RAPGEF5: variants seen among roughly 807,000 people sequenced by gnomAD.
The protein encoded by RAPGEF5 is Rap guanine nucleotide exchange factor 5.
A neutral mutation model predicts 125.2 loss-of-function variants in RAPGEF5; 65 were observed. The ratio of observed to expected loss-of-function variants is 0.52; its 90% confidence interval spans 0.43 to 0.64. The LOEUF (loss-of-function observed/expected upper bound fraction) is 0.64. Among genes scored for constraint, RAPGEF5 ranks in the 30% least tolerant of loss-of-function variants. RAPGEF5 has a pLI of 0.00. For missense variants in RAPGEF5, 958 were observed against 1,048.1 expected (o/e 0.91, Z 1.19); for synonymous variants, 391 against 385.9 (o/e 1.01, Z -0.16).
chr7:22,328,064 C>A (rs1165044833), intron 1 of RAPGEF5, among the ~76,000 whole-genome samples: 1 of 152,124 alleles, frequency 6.6e-6, no homozygotes, highest in African/African-American at 2.4e-5. Context: ...CCTACTAGAC[C>A]GTAAGCTTTT....
At chr7:22,334,347 A>T (rs1783986438) in intron 1 of RAPGEF5, among the ~76,000 whole-genome samples, 3 of 152,242 alleles carry the variant, frequency 2.0e-5, no homozygotes, top group Admixed American at 2.0e-4. Flanking sequence ...AAAAAAATGA[A>T]TACACTATTC....
intron 11 of RAPGEF5, among the ~76,000 whole-genome samples, chr7:22,169,740 A>C (rs1400351155): frequency 6.6e-6 from 1 of 150,868 alleles, no homozygotes; most frequent in Admixed American, 6.6e-5. Flanking sequence ...TATGCCTATA[A>C]TCCCAGCTAC....
intron 6 of RAPGEF5, among the ~76,000 whole-genome samples, chr7:22,276,029 G>C (rs1431577189): frequency 1.3e-5 from 2 of 152,138 alleles, no homozygotes; most frequent in African/African-American, 4.8e-5. Context: ...CCTCTGATTG[G>C]TAATTTCTCT....
At chr7:22,287,746 T>C (rs1782830837) in intron 6 of RAPGEF5, among the ~76,000 whole-genome samples, 1 of 152,186 alleles carries the variant, frequency 6.6e-6, no homozygotes, top group Non-Finnish European at 1.5e-5. Context: ...TATATGCCAT[T>C]GTCAACAGGA....
chr7:22,219,830 C>T, intron 9 of RAPGEF5, 36 bp downstream of exon 9: 1 of 1,565,730 alleles, frequency 6.4e-7, no homozygotes, highest in Non-Finnish European at 8.7e-7. Flanking sequence ...TTTTCCACCC[C>T]TTCAAACCTG....
chr7:22,320,704 A>G (rs1292069432), intron 1 of RAPGEF5, among the ~76,000 whole-genome samples: 1 of 152,154 alleles, frequency 6.6e-6, no homozygotes. Context: ...TCCTGTGGCA[A>G]CTTACTTCCA....
chr7:22,130,790 C>T (rs1406657410), intron 24 of RAPGEF5, among the ~76,000 whole-genome samples: 1 of 152,136 alleles, frequency 6.6e-6, no homozygotes, highest in South Asian at 2.1e-4. Context: ...TTTTTAAAAA[C>T]AAAACGCAGA....
At chr7:22,143,534 C>G (rs1300371599) in intron 20 of RAPGEF5, among the ~76,000 whole-genome samples, 1 of 152,204 alleles carries the variant, frequency 6.6e-6, no homozygotes, top group African/African-American at 2.4e-5. Context: ...TCTCCCACAA[C>G]TTCCTTACAA....
intron 11 of RAPGEF5, among the ~76,000 whole-genome samples, chr7:22,168,161 G>A (rs938788680): frequency 6.6e-6 from 1 of 152,090 alleles, no homozygotes. Flanking sequence ...CACTTTATAT[G>A]TTGAAACCTT....
chr7:22,156,748 T>G, intron 16 of RAPGEF5, 62 bp downstream of exon 16: 3 of 1,608,048 alleles, frequency 1.9e-6, no homozygotes, highest in Middle Eastern at 1.8e-4. Flanking sequence ...TATGCCAATG[T>G]AGGAGAAAAA....
chr7:22,290,621 T>A lies in RAPGEF5; in HGVS notation c.747+554A>T, dbSNP rs571080025. Reference sequence around the variant, plus strand: ...TTAGCCGGGCGTAGTGGCGGGCGCCTGTAGTCCCAGCTACTTGGGAGGCTG... The same window carrying A: ...TTAGCCGGGCGTAGTGGCGGGCGCCAGTAGTCCCAGCTACTTGGGAGGCTG... On this transcript the variant is annotated intron_variant, in intron 6 of 25. Coordinates refer to ENST00000665637, the MANE Select transcript of RAPGEF5 (RefSeq NM_012294.5). Among the ~76,000 whole-genome samples, 337 of 150,880 alleles carry A rather than the reference T, an allele frequency of 2.2e-3. 2 individuals are homozygous for A. Among genetic ancestry groups the A allele is most frequent in the South Asian group, 0.017 (83 of 4,784 alleles).
chr7:22,314,716 C>T (rs1783552098), intron 3 of RAPGEF5: 1 of 720,688 alleles, frequency 1.4e-6, no homozygotes, highest in Admixed American at 6.3e-5. Context: ...TTTGGTGTGG[C>T]TTAATATCTT....
At chr7:22,177,440 A>G (rs1194381697) in intron 11 of RAPGEF5, among the ~76,000 whole-genome samples, 1 of 152,162 alleles carries the variant, frequency 6.6e-6, no homozygotes, top group Non-Finnish European at 1.5e-5. Flanking sequence ...TTTGTTTTGA[A>G]CCATATCTAT....
intron 1 of RAPGEF5, among the ~76,000 whole-genome samples, chr7:22,318,499 C>G (rs375774275): frequency 6.6e-6 from 1 of 152,162 alleles, no homozygotes; most frequent in Admixed American, 6.5e-5. Flanking sequence ...TAAATCACCC[C>G]TTTGACTTAT....
intron 11 of RAPGEF5, among the ~76,000 whole-genome samples, chr7:22,174,055 T>C (rs1425565537): frequency 6.6e-6 from 1 of 152,174 alleles, no homozygotes; most frequent in Non-Finnish European, 1.5e-5. Context: ...GGCTATCATA[T>C]CTATACCTAG....
chr7:22,348,647 C>T (rs1358945329), intron 1 of RAPGEF5, among the ~76,000 whole-genome samples: 1 of 152,230 alleles, frequency 6.6e-6, no homozygotes, highest in Non-Finnish European at 1.5e-5. Flanking sequence ...AGCTACTCTG[C>T]TCAAGCCATG....
intron 18 of RAPGEF5, among the ~76,000 whole-genome samples, 175 bp from the exon 19 acceptor site, chr7:22,147,194 T>C (rs1783470562): frequency 6.6e-6 from 1 of 152,208 alleles, no homozygotes; most frequent in South Asian, 2.1e-4. Context: ...TAGGAAACGG[T>C]CTTGGGAACA....
chr7:22,141,081 G>A (rs991842952), intron 20 of RAPGEF5, among the ~76,000 whole-genome samples: 1 of 152,138 alleles, frequency 6.6e-6, no homozygotes, highest in Non-Finnish European at 1.5e-5. Flanking sequence ...TGGGAATAGT[G>A]TAGATCTTGC....
chr7:22,229,445 A>C (rs1025802206), intron 8 of RAPGEF5, among the ~76,000 whole-genome samples: 1 of 152,252 alleles, frequency 6.6e-6, no homozygotes, highest in Admixed American at 6.5e-5. Context: ...ATGCTCTGGA[A>C]TGAAGACTGA....
Sources: allele counts gnomAD v4.1 joint callset (sites outside exome capture counted in the v4.1 genomes callset), GRCh38; gene constraint gnomAD v4.1.1; transcripts MANE v1.5; gene names NCBI Gene and HGNC (gene_info 2026-07-23, HGNC 2026-07-21).